The following NLGN1 variants were observed in gnomAD, a reference collection of about 807,000 sequenced individuals.
The protein encoded by NLGN1 is neuroligin-1.
A neutral mutation model predicts 65.5 loss-of-function variants in NLGN1; 12 were observed. The observed-to-expected ratio is 0.18, with a 90% confidence interval of 0.12 to 0.30. The LOEUF (loss-of-function observed/expected upper bound fraction) is 0.30, where lower values mean the gene tolerates loss of function less well. Among genes scored for constraint, NLGN1 ranks in the 10% least tolerant of loss-of-function variants. The pLI, the probability that NLGN1 is intolerant of heterozygous loss-of-function variation, is 1.00. For missense variants in NLGN1, 750 were observed against 1,007.1 expected, an observed-to-expected ratio of 0.74 and a Z score of 3.46; for synonymous variants, 350 against 359.5, an observed-to-expected ratio of 0.97 and a Z score of 0.30.
chr3:174,268,024 T>A (rs758950059), intron 4 of NLGN1, among the ~76,000 whole-genome samples: 2 of 152,170 alleles, frequency 1.3e-5, no homozygotes, highest in African/African-American at 2.4e-5. Flanking sequence ...TAGTTTTTAT[T>A]GTTCCTGAAG....
intron 4 of NLGN1, among the ~76,000 whole-genome samples, chr3:174,062,492 CT>C (rs1328949279): frequency 1.3e-5 from 2 of 151,704 alleles, no homozygotes; most frequent in African/African-American, 4.8e-5. Flanking sequence ...TAAATTTTTG[CT>C]TTTAAAAAAT....
At chr3:173,860,503 A>G (rs1728842694) in intron 4 of NLGN1, among the ~76,000 whole-genome samples, 1 of 152,144 alleles carries the variant, frequency 6.6e-6, no homozygotes, top group African/African-American at 2.4e-5. Flanking sequence ...TGTTCTAGAA[A>G]GTCAAAAATA....
intron 4 of NLGN1, among the ~76,000 whole-genome samples, chr3:174,012,757 C>A (rs1725806433): frequency 6.6e-6 from 1 of 152,120 alleles, no homozygotes; most frequent in African/African-American, 2.4e-5. Context: ...TTTTACTGAT[C>A]TAGCTCCAAA....
intron 4 of NLGN1, among the ~76,000 whole-genome samples, chr3:173,911,271 A>G (rs989249116): frequency 6.6e-6 from 1 of 152,220 alleles, no homozygotes; most frequent in African/African-American, 2.4e-5. Context: ...TTAGTAGTTT[A>G]TCTCAATTAT....
chr3:173,688,790 A>G (rs1765043416), intron 3 of NLGN1, among the ~76,000 whole-genome samples: 1 of 152,178 alleles, frequency 6.6e-6, no homozygotes, highest in African/African-American at 2.4e-5. Context: ...ATTCAAAATT[A>G]GTCTTCAAAA....
chr3:174,022,615 C>T (rs1217205129), intron 4 of NLGN1, among the ~76,000 whole-genome samples: 1 of 152,154 alleles, frequency 6.6e-6, no homozygotes, highest in Non-Finnish European at 1.5e-5. Flanking sequence ...TTCAACATCA[C>T]TAATTGTGAG....
At chr3:174,158,843 C>T (rs1725961440) in intron 4 of NLGN1, among the ~76,000 whole-genome samples, 1 of 151,562 alleles carries the variant, frequency 6.6e-6, no homozygotes, top group Non-Finnish European at 1.5e-5. Context: ...CTCCTGAACT[C>T]CACCTTGTTA....
At chr3:174,158,795 T>G (rs1287126149) in intron 4 of NLGN1, among the ~76,000 whole-genome samples, 1 of 151,542 alleles carries the variant, frequency 6.6e-6, no homozygotes, top group Non-Finnish European at 1.5e-5. Context: ...AATCAAACAA[T>G]CAAGGCTTAG....
chr3:174,206,469 C>G (rs1334346846), intron 4 of NLGN1, among the ~76,000 whole-genome samples: 2 of 152,104 alleles, frequency 1.3e-5, no homozygotes, highest in African/African-American at 4.8e-5. Context: ...TAGCCCACCC[C>G]CTCTTATTTG....
chr3:174,151,715 A>G (rs1323482842), intron 4 of NLGN1, among the ~76,000 whole-genome samples: 2 of 152,152 alleles, frequency 1.3e-5, no homozygotes, highest in Non-Finnish European at 2.9e-5. Context: ...CTAGTTCTAC[A>G]AAGTTTTCTG....
At chr3:173,797,751 T>C (rs956754386) in intron 3 of NLGN1, among the ~76,000 whole-genome samples, 1 of 149,996 alleles carries the variant, frequency 6.7e-6, no homozygotes. Context: ...CAACCATGCA[T>C]CCATGGAAAA....
chr3:174,142,575 G>T (rs915328816), intron 4 of NLGN1, among the ~76,000 whole-genome samples: 1 of 152,138 alleles, frequency 6.6e-6, no homozygotes, highest in Non-Finnish European at 1.5e-5. Flanking sequence ...GAAGCAGAAT[G>T]CTCTCCACAG....
In NLGN1 at chr3:174,112,201, G is replaced by A. The variant is rs369254831; in HGVS notation, c.647-163114G>A. Among the ~76,000 whole-genome samples the A allele has an allele frequency of 8.6e-5, 13 of 151,826 alleles. No individual in the cohort carries two copies. In the East Asian group the frequency reaches 1.4e-3, roughly 16 times the overall value. On this transcript the variant is annotated intron_variant, in intron 4 of 6. Transcript: ENST00000457714. Reference sequence around the variant, plus strand: ...GAGTATAAAAACAGTCCTGGTGTACGAGGAGTTTATATATGAAACTTTACA... The same window carrying A: ...GAGTATAAAAACAGTCCTGGTGTACAAGGAGTTTATATATGAAACTTTACA...
rs76139148 is a variant in NLGN1, at chr3:173,593,394, G to T, written c.-320-10885G>T. The stretch of plus-strand genomic sequence containing the variant: ...TTAGCACTATTCCTCTCCTGTTCAC[G>T]TCGTCCTCTCCAATGCCTAGTACTA... On this transcript the variant is annotated intron_variant, in intron 2 of 6. Coordinates refer to ENST00000457714, the Ensembl canonical transcript of NLGN1. Among the ~76,000 whole-genome samples, 3 of 152,080 alleles carry T rather than the reference G, an allele frequency of 2.0e-5. No homozygotes were observed. In the South Asian group the frequency reaches 6.2e-4, roughly 32 times the overall value.
intron 3 of NLGN1, among the ~76,000 whole-genome samples, chr3:173,758,662 A>G (rs1461341299): frequency 6.6e-6 from 1 of 151,972 alleles, no homozygotes; most frequent in Non-Finnish European, 1.5e-5. Flanking sequence ...TCTTCAACCA[A>G]AATAAACTTT....
intron 4 of NLGN1, among the ~76,000 whole-genome samples, chr3:174,265,875 A>AAT (rs561252473): frequency 9.2e-4 from 134 of 145,590 alleles, no homozygotes; most frequent in African/African-American, 3.1e-3. Context: ...ATTTTGTTAT[A>AAT]ATATATATAT....
chr3:173,444,669 T>A (rs2148812778), intron 2 of NLGN1, among the ~76,000 whole-genome samples: 1 of 152,318 alleles, frequency 6.6e-6, no homozygotes, highest in Middle Eastern at 3.4e-3. Flanking sequence ...GTTTACTTTT[T>A]ATATTTCCTG....
intron 3 of NLGN1, among the ~76,000 whole-genome samples, chr3:173,610,790 G>T (rs945669838): frequency 5.9e-5 from 9 of 151,914 alleles, no homozygotes; most frequent in African/African-American, 2.2e-4. Flanking sequence ...AAGAGAGAAT[G>T]GGTGAAGATT....
At chr3:174,208,672 A>G (rs916797136) in intron 4 of NLGN1, among the ~76,000 whole-genome samples, 1 of 152,096 alleles carries the variant, frequency 6.6e-6, no homozygotes, top group African/African-American at 2.4e-5. Flanking sequence ...GGGAAAAAAA[A>G]AAAAAAAAGG....
Sources: gnomAD v4.1 joint callset for allele counts (sites outside exome capture counted in the v4.1 genomes callset) on GRCh38, gnomAD v4.1.1 for gene constraint, MANE v1.5 for transcripts, NCBI Gene and HGNC (gene_info 2026-07-23, HGNC 2026-07-21) for gene names.